FBXO32: variants seen among roughly 807,000 people sequenced by gnomAD.
The protein encoded by FBXO32 is F-box protein 32.
A neutral mutation model predicts 48.3 loss-of-function variants in FBXO32; 15 were observed. That is an observed-to-expected ratio of 0.31 (90% CI 0.21 to 0.48). FBXO32 has a LOEUF of 0.48. Among genes scored for constraint, FBXO32 ranks in the 20% least tolerant of loss-of-function variants. FBXO32 has a pLI of 0.99. For synonymous variants in FBXO32, 154 were observed against 165.9 expected, an observed-to-expected ratio of 0.93 and a Z score of 0.55; for missense variants, 309 against 432.7, an observed-to-expected ratio of 0.71 and a Z score of 2.54.
At chr8:123,533,136 G>A (rs1817242991) in intron 3 of FBXO32, 55 bp downstream of exon 3, 8 of 1,314,262 alleles carry the variant, frequency 6.1e-6, no homozygotes, top group Non-Finnish European at 7.7e-6. Flanking sequence ...CCCTCCCTGC[G>A]CTATCAGGAA....
chr8:123,522,236 G>C (rs1430805560), intron 4 of FBXO32, among the ~76,000 whole-genome samples: 1 of 133,430 alleles, frequency 7.5e-6, no homozygotes, highest in Non-Finnish European at 1.5e-5. Context: ...TTGAGATGGA[G>C]TCTCACTCTG....
intron 4 of FBXO32, among the ~76,000 whole-genome samples, chr8:123,528,543 T>A (rs183379447): frequency 3.3e-4 from 50 of 152,322 alleles, no homozygotes; most frequent in African/African-American, 1.2e-3. Flanking sequence ...TGTCTTTATG[T>A]CATTGGGGCT....
In FBXO32 at chr8:123,513,443, CAT is replaced by C. The variant is rs1816776966; in HGVS notation, c.467-63_467-62del. ...ATACTGGAACACCCTGTATTTTACACATGAGCTTGTCTCTGTCTGTATTCCAC... is the reference window on the plus strand; with the variant it reads ...ATACTGGAACACCCTGTATTTTACACGAGCTTGTCTCTGTCTGTATTCCAC... On this transcript the variant is annotated intron_variant, in intron 5 of 8. Coordinates refer to ENST00000517956, the MANE Select transcript of FBXO32 (RefSeq NM_058229.4). This position sits in a 1 kb window ranked among gnomAD's most constrained non-coding sequence, Gnocchi z 4.3. The C allele has an allele frequency of 5.8e-6, 8 of 1,383,614 alleles. No individual in the cohort carries two copies. Among genetic ancestry groups the C allele is most frequent in the Non-Finnish European group, 8.0e-6 (8 of 997,410 alleles). The allele number at this position is 1,383,614 out of a possible 1,614,324, so 85.7% of individuals were successfully genotyped here.
intron 4 of FBXO32, chr8:123,526,913 A>G (rs1425556764): frequency 6.6e-6 from 1 of 152,044 alleles, no homozygotes; most frequent in East Asian, 1.9e-4. Context: ...CTTGCAGGCT[A>G]CAAGCTCTCT....
chr8:123,507,735 G>A (rs988309176), intron 6 of FBXO32, among the ~76,000 whole-genome samples: 9 of 152,016 alleles, frequency 5.9e-5, no homozygotes, highest in African/African-American at 2.2e-4. Flanking sequence ...ATCCTTGAAG[G>A]CAGGGTCTAA....
chr8:123,536,489 G>A lies in FBXO32; in HGVS notation c.117-1675C>T, dbSNP rs376015078. ...ACAAAGAACAGAACTGAATTCCTGA[G>A]GCTAACTTAAGACATTTCAATCAAC... On this transcript the variant is annotated intron_variant, in intron 1 of 8. Coordinates refer to ENST00000517956, the MANE Select transcript of FBXO32 (RefSeq NM_058229.4). Among the ~76,000 whole-genome samples the A allele has an allele frequency of 4.6e-5, 7 of 152,264 alleles. No individual in the cohort carries two copies. The South Asian group carries it at 1.0e-3, about 23-fold the overall frequency.
intron 4 of FBXO32, among the ~76,000 whole-genome samples, chr8:123,520,550 T>C (rs1206433086): frequency 6.6e-6 from 1 of 152,070 alleles, no homozygotes; most frequent in Admixed American, 6.6e-5. Flanking sequence ...AGGAGACAAA[T>C]CTAGTTGCAA....
rs563215330 is a variant in FBXO32, at chr8:123,510,338, G to A, written c.651+2860C>T. ...TCAAATCCTGCAGTTGGGGCCGGGC[G>A]CGGTGGCTCATGCCTGTAATCCCAG... is the stretch of plus-strand genomic sequence containing the variant. On this transcript the variant is annotated intron_variant, in intron 6 of 8. Coordinates refer to ENST00000517956, the MANE Select transcript of FBXO32 (RefSeq NM_058229.4). Among the ~76,000 whole-genome samples the A allele has an allele frequency of 9.8e-5, 15 of 152,296 alleles. No individual in the cohort carries two copies. The South Asian group carries it at 1.5e-3, about 15-fold the overall frequency.
intron 6 of FBXO32, among the ~76,000 whole-genome samples, chr8:123,512,529 CTTT>C (rs1205869212): frequency 3.7e-5 from 5 of 135,372 alleles, no homozygotes; most frequent in African/African-American, 1.1e-4. Flanking sequence ...GTCTTCCTCC[CTTT>C]TTTTTTTTTT....
intron 4 of FBXO32, among the ~76,000 whole-genome samples, chr8:123,529,286 A>T (rs1817152121): frequency 6.6e-6 from 1 of 152,244 alleles, no homozygotes; most frequent in Non-Finnish European, 1.5e-5. Flanking sequence ...CTGAGTCTTA[A>T]GCAATTGCCA....
intron 6 of FBXO32, among the ~76,000 whole-genome samples, chr8:123,510,823 G>A (rs1448421597): frequency 6.6e-6 from 1 of 152,224 alleles, no homozygotes; most frequent in Non-Finnish European, 1.5e-5. Flanking sequence ...CTTTCTTTGT[G>A]GAGTTTATAA....
At chr8:123,509,020 T>C (rs1228036011) in intron 6 of FBXO32, among the ~76,000 whole-genome samples, 38 of 152,214 alleles carry the variant, frequency 2.5e-4, no homozygotes, top group Admixed American at 2.5e-3. Context: ...CTAGGGTCTA[T>C]GTCACTCCTC....
At position 123,518,298 on chromosome 8, in the gene FBXO32, G is replaced by A. The variant is rs573736217; in HGVS notation, c.373-3965C>T. Among the ~76,000 whole-genome samples the A allele has an allele frequency of 1.4e-4, 22 of 152,228 alleles. No homozygotes were observed. In the South Asian group the frequency reaches 2.3e-3, roughly 16 times the overall value. ...TGTGCCTGCTACAAAGAATATACTC[G>A]ATAAATTATTATTGTTAGCTTTTAC... is the stretch of plus-strand genomic sequence containing the variant. On this transcript the variant is annotated intron_variant, in intron 4 of 8. Coordinates refer to ENST00000517956, the MANE Select transcript of FBXO32 (RefSeq NM_058229.4).
At chr8:123,538,251 G>A (rs1423780998) in intron 1 of FBXO32, among the ~76,000 whole-genome samples, 1 of 151,944 alleles carries the variant, frequency 6.6e-6, no homozygotes, top group Non-Finnish European at 1.5e-5. Context: ...GAATAGGTGT[G>A]CTGTGTGGAC....
rs1040683460 is a variant in FBXO32, at chr8:123,541,022, C to G, written c.-8G>C. ...CTGCCCGAGGAATGGCATGGCACCGCGAGCGGACTAGACGGATGGGGAGAC... is the reference window on the plus strand; with the variant it reads ...CTGCCCGAGGAATGGCATGGCACCGGGAGCGGACTAGACGGATGGGGAGAC... On this transcript the variant is annotated 5_prime_UTR_variant, in exon 1 of 9. Coordinates refer to ENST00000517956, the MANE Select transcript of FBXO32 (RefSeq NM_058229.4). 1 of 1,597,828 alleles carries G rather than the reference C, an allele frequency of 6.3e-7. No individual in the cohort carries two copies. Among genetic ancestry groups the G allele is most frequent in the Non-Finnish European group, 8.6e-7 (1 of 1,169,166 alleles).
chr8:123,540,933 C>T lies in FBXO32; in HGVS notation c.82G>A (p.Glu28Lys). 1.2e-6 allele frequency: 2 copies of T among 1,613,738 alleles called. No individual in the cohort carries two copies. Among genetic ancestry groups the T allele is most frequent in the Non-Finnish European group, 1.7e-6 (2 of 1,179,806 alleles). ...TCGCTCACGAAACTGCCGCTCTTCT[C>T]ATCCAGGAAGCGCTTCCAGCCGTCG... The part of the protein sequence containing the change: ...TADGWKRFLD[E>K]KSGSFVSDLS... The change falls in exon 1 of 9, where the codon GAG becomes AAG. Residue 28 changes from glutamate to lysine, a missense_variant. Glu to Lys is a moderately conservative substitution (Grantham distance 56, BLOSUM62 1). Coordinates refer to ENST00000517956, the MANE Select transcript of FBXO32 (RefSeq NM_058229.4). The surrounding 1 kb of genome is among the most constrained non-coding windows in gnomAD (Gnocchi z 6.4).
At position 123,540,775 on chromosome 8, in the gene FBXO32, G is replaced by C; in HGVS notation, c.116+124C>G. 1 of 749,854 alleles carries C rather than the reference G, an allele frequency of 1.3e-6. No homozygotes were observed. Among genetic ancestry groups the C allele is most frequent in the South Asian group, 1.6e-5 (1 of 61,536 alleles). The allele number at this position is 749,854 out of a possible 1,614,324, so 46.5% of individuals were successfully genotyped here. A position where few individuals can be genotyped will look rare whatever the true frequency, so the allele number is the denominator to read the frequency against. On this transcript the variant is annotated intron_variant, in intron 1 of 8. Coordinates refer to ENST00000517956, the MANE Select transcript of FBXO32 (RefSeq NM_058229.4). The surrounding 1 kb of genome is among the most constrained non-coding windows in gnomAD (Gnocchi z 6.4). The stretch of plus-strand genomic sequence containing the variant: ...ATCGGGCCCCGTAGTCCCACCCTCC[G>C]GGTCAGGGTCTCCCTCCTCAGCCCG...
intron 2 of FBXO32, among the ~76,000 whole-genome samples, 169 bp from the exon 3 acceptor site, chr8:123,533,409 G>A (rs1817247897): frequency 6.6e-6 from 1 of 152,178 alleles, no homozygotes; most frequent in Admixed American, 6.5e-5. Flanking sequence ...TAGAAATACT[G>A]GGGCTATAAG....
Position 123,518,834 on chromosome 8 carries a change from T to G in FBXO32, c.373-4501A>C, listed in dbSNP as rs186197779. ...AACAGAGAACACATTTTCTTTTTTTTTTGTTGAGACAAAGTCTCACTCTGT... is the reference window on the plus strand; with the variant it reads ...AACAGAGAACACATTTTCTTTTTTTGTTGTTGAGACAAAGTCTCACTCTGT... On this transcript the variant is annotated intron_variant, in intron 4 of 8. Transcript: ENST00000517956. Among the ~76,000 whole-genome samples the G allele has an allele frequency of 1.9e-3, 290 of 152,272 alleles. 1 individual carries two copies. Among genetic ancestry groups the G allele is most frequent in the African/African-American group, 6.4e-3 (265 of 41,560 alleles).
Sources: gnomAD v4.1 joint callset for allele counts (sites outside exome capture counted in the v4.1 genomes callset) on GRCh38, gnomAD v4.1.1 for gene constraint, Gnocchi (gnomAD v3.1) non-coding constraint, MANE v1.5 for transcripts, NCBI Gene and HGNC (gene_info 2026-07-23, HGNC 2026-07-21) for gene names.